Variants in RPL26L1 observed in about 807,000 individuals in gnomAD.
The protein encoded by RPL26L1 is ribosomal protein uL24-like.
In RPL26L1, 8 loss-of-function variants were observed where a neutral mutation model predicts 15.2. The observed-to-expected ratio is 0.53, with a 90% CI of 0.31 to 0.95. The LOEUF (loss-of-function observed/expected upper bound fraction) is 0.95, where lower values mean the gene tolerates loss of function less well. Ranked by LOEUF, RPL26L1 falls within the 40% of genes least tolerant of loss-of-function variation. The probability of loss-of-function intolerance (pLI) is 0.05; values close to 1 mark genes in which losing one functional copy is unlikely to be tolerated. For missense variants in RPL26L1, 146 were observed against 190.9 expected (o/e 0.76, Z 1.39); for synonymous variants, 51 against 65.9 (o/e 0.77, Z 1.09).
At chr5:172,959,370 T>G (rs1445858087), upstream of RPL26L1, 2 of 1,003,446 alleles carry the variant, frequency 2.0e-6, no homozygotes, top group African/African-American at 1.7e-5. Context: ...TCGACTTCGC[T>G]CCTACGGAAA....
At chr5:172,956,890 A>G (rs1754992373), upstream of RPL26L1, 1 of 206,570 alleles carries the variant, frequency 4.8e-6, no homozygotes, top group Non-Finnish European at 1.0e-5. Context: ...GTGAGCCAAA[A>G]CTGCACCACT....
At chr5:172,960,742 A>G (rs1336634945) in intron 2 of RPL26L1, among the ~76,000 whole-genome samples, 1 of 146,382 alleles carries the variant, frequency 6.8e-6, no homozygotes, top group Non-Finnish European at 1.5e-5. Context: ...GATATGAGTG[A>G]AATAAGCAGG....
At chr5:172,969,356 T>G in intron 3 of RPL26L1, 57 bp from the exon 4 acceptor site, 1 of 1,580,332 alleles carries the variant, frequency 6.3e-7, no homozygotes, top group Non-Finnish European at 8.7e-7. Context: ...GATGTCTATA[T>G]TGCTCAATAG....
upstream of RPL26L1, chr5:172,957,843 C>G (rs1755027392): frequency 1.2e-5 from 2 of 165,036 alleles, no homozygotes; most frequent in South Asian, 2.9e-4. Context: ...GCTGGGTGGC[C>G]CTTCAGCTGA....
intron 2 of RPL26L1, 134 bp from the exon 3 acceptor site, chr5:172,968,325 T>C (rs1487143581): frequency 8.7e-7 from 1 of 1,147,406 alleles, no homozygotes; most frequent in Non-Finnish European, 1.2e-6. Context: ...GAAAAGTAGC[T>C]AATTTTTGAC....
chr5:172,964,416 G>T (rs1755372921), intron 2 of RPL26L1, among the ~76,000 whole-genome samples: 1 of 150,540 alleles, frequency 6.6e-6, no homozygotes, highest in South Asian at 2.1e-4. Context: ...CTCCCAAGTA[G>T]CTGAGATTAC....
At chr5:172,954,297 C>T (rs546735610), upstream of RPL26L1, among the ~76,000 whole-genome samples, 1 of 152,036 alleles carries the variant, frequency 6.6e-6, no homozygotes, top group East Asian at 1.9e-4. Flanking sequence ...AGGCCGGACG[C>T]GATGGTTCAC....
rs1317158425 is a variant in RPL26L1 at position 172,969,394 on chromosome 5, G to A, written c.310-19G>A. 2 of 1,611,338 alleles carry A rather than the reference G, an allele frequency of 1.2e-6. No individual in the cohort carries two copies. The highest frequency in any genetic ancestry group is 2.2e-5 in the East Asian group (1 of 44,810). On this transcript the variant is annotated intron_variant, in intron 3 of 3. Coordinates refer to ENST00000265100, the MANE Select transcript of RPL26L1 (RefSeq NM_016093.4). Reference sequence around the variant, plus strand: ...GGTGGGGATGCAGAAATAAAGACCTGTTTTCTCACTCCCAACAGGTGGTTA... The same window carrying A: ...GGTGGGGATGCAGAAATAAAGACCTATTTTCTCACTCCCAACAGGTGGTTA...
chr5:172,956,754 A>C (rs948026940), upstream of RPL26L1, among the ~76,000 whole-genome samples: 1 of 152,102 alleles, frequency 6.6e-6, no homozygotes, highest in African/African-American at 2.4e-5. Flanking sequence ...CCTAACCAAC[A>C]TGGTGAAACC....
intron 2 of RPL26L1, among the ~76,000 whole-genome samples, chr5:172,967,263 G>A (rs1270110069): frequency 6.6e-6 from 1 of 151,894 alleles, no homozygotes; most frequent in Non-Finnish European, 1.5e-5. Flanking sequence ...TCAGGAGTTC[G>A]AGACCAGCCT....
At chr5:172,965,465 G>A (rs1755416832) in intron 2 of RPL26L1, among the ~76,000 whole-genome samples, 1 of 152,158 alleles carries the variant, frequency 6.6e-6, no homozygotes, top group Non-Finnish European at 1.5e-5. Context: ...CCTTTGGACT[G>A]TCTTTTCTCA....
chr5:172,960,148 A>G (rs1755173828), intron 2 of RPL26L1, 107 bp downstream of exon 2: 5 of 1,343,208 alleles, frequency 3.7e-6, no homozygotes, highest in Non-Finnish European at 5.3e-6. Flanking sequence ...AAGTAGTGTG[A>G]CCCTTCAGAT....
rs761112125 is a variant in RPL26L1 at position 172,968,570 on chromosome 5, A to G, written c.280A>G (p.Thr94Ala). ...RVQREKANGT[T>A]VHVGIHPSKV... ...GCAGCGTGAGAAGGCCAACGGCACA[A>G]CTGTCCACGTGGGCATTCACCCAAG... Residue 94 changes from threonine to alanine, a missense_variant, in exon 3 of 4, where the codon ACT becomes GCT. Coordinates refer to ENST00000265100, the MANE Select transcript of RPL26L1 (RefSeq NM_016093.4). The G allele has an allele frequency of 1.2e-5, 19 of 1,613,976 alleles. No homozygotes were observed. The highest frequency in any genetic ancestry group is 6.7e-5 in the Admixed American group (4 of 59,984).
At chr5:172,965,743 C>T (rs1295971898) in intron 2 of RPL26L1, among the ~76,000 whole-genome samples, 1 of 152,160 alleles carries the variant, frequency 6.6e-6, no homozygotes, top group Non-Finnish European at 1.5e-5. Flanking sequence ...CACATGTGTA[C>T]ATTCTGCCCT....
chr5:172,965,655 A>G (rs1190106165), intron 2 of RPL26L1, among the ~76,000 whole-genome samples: 1 of 152,206 alleles, frequency 6.6e-6, no homozygotes, highest in African/African-American at 2.4e-5. Flanking sequence ...GGCTGCTGTA[A>G]CACCACACTT....
chr5:172,968,539 G>A lies in RPL26L1; in HGVS notation c.249G>A (p.Glu83=), dbSNP rs769852290. The A allele has an allele frequency of 2.5e-6, 4 of 1,614,162 alleles. No homozygotes were observed. The highest frequency in any genetic ancestry group is 2.5e-6 in the Non-Finnish European group (3 of 1,180,018). The change falls in exon 3 of 4, where the codon GAG becomes GAA. Residue 83 remains glutamate, a synonymous_variant. Transcript: ENST00000265100. ...VYRKKYVIYI[E]RVQREKANGT... is the part of the protein sequence containing the mutation. ...GAAAGAAATATGTCATCTACATCGAGCGGGTGCAGCGTGAGAAGGCCAACG... is the reference window on the plus strand; with the variant it reads ...GAAAGAAATATGTCATCTACATCGAACGGGTGCAGCGTGAGAAGGCCAACG...
rs1344851759 is a variant in RPL26L1 at position 172,969,758 on chromosome 5, C to T, written c.*217C>T. The T allele has an allele frequency of 1.8e-5, 7 of 398,318 alleles. No individual in the cohort carries two copies. Among genetic ancestry groups the T allele is most frequent in the Non-Finnish European group, 3.2e-5 (7 of 216,834 alleles). 24.7% of individuals were successfully genotyped at this position (398,318 alleles called of 1,614,324 possible). On this transcript the variant is annotated 3_prime_UTR_variant, in exon 4 of 4. Transcript: ENST00000265100. ...ATTTGCATTGTTTTATAAATAAATT[C>T]CACTTACTATCAATTCCCCTTTGCC... is the stretch of plus-strand genomic sequence containing the variant.
upstream of RPL26L1, chr5:172,955,788 T>A (rs572258839): frequency 1.3e-5 from 2 of 152,346 alleles, no homozygotes; most frequent in South Asian, 4.1e-4. Context: ...ATGGATGTTA[T>A]CTCCTTTTTA....
chr5:172,964,752 G>T (rs1057127392), intron 2 of RPL26L1, among the ~76,000 whole-genome samples: 2 of 152,122 alleles, frequency 1.3e-5, no homozygotes, highest in African/African-American at 4.8e-5. Context: ...CTCTTTCTCT[G>T]AGTAGGTGAT....
Sources: allele counts gnomAD v4.1 joint callset (sites outside exome capture counted in the v4.1 genomes callset), GRCh38; gene constraint gnomAD v4.1.1; transcripts MANE v1.5; gene names NCBI Gene and HGNC (gene_info 2026-07-23, HGNC 2026-07-21).